The following CLPTM1 variants were observed in gnomAD, a reference collection of about 807,000 sequenced individuals.
The protein encoded by CLPTM1 is putative lipid scramblase CLPTM1.
A neutral mutation model predicts 77.3 loss-of-function variants in CLPTM1; 21 were observed. The observed-to-expected ratio is 0.27, with a 90% confidence interval of 0.19 to 0.39. The LOEUF (loss-of-function observed/expected upper bound fraction) is 0.39, where lower values mean the gene tolerates loss of function less well. Ranked by LOEUF, CLPTM1 falls within the 10% of genes least tolerant of loss-of-function variation. The probability of loss-of-function intolerance (pLI) is 1.00; values close to 1 mark genes in which losing one functional copy is unlikely to be tolerated. For missense variants in CLPTM1, 642 were observed against 921.2 expected, an observed-to-expected ratio of 0.70 and a Z score of 3.92; for synonymous variants, 373 against 381.0, an observed-to-expected ratio of 0.98 and a Z score of 0.24.
chr19:44,964,833 C>T (rs1358718819), intron 2 of CLPTM1, among the ~76,000 whole-genome samples: 1 of 152,200 alleles, frequency 6.6e-6, no homozygotes, highest in Admixed American at 6.5e-5. Context: ...TATGTGGAAT[C>T]AGACAGCATT....
chr19:44,981,851 C>T (rs112420400), intron 5 of CLPTM1, among the ~76,000 whole-genome samples: 1 of 151,988 alleles, frequency 6.6e-6, no homozygotes, highest in South Asian at 2.1e-4. Context: ...GTTGAGGCTG[C>T]AGTGATCACA....
At chr19:44,982,641 C>T (rs1005328723) in intron 5 of CLPTM1, among the ~76,000 whole-genome samples, 5 of 152,246 alleles carry the variant, frequency 3.3e-5, no homozygotes, top group Non-Finnish European at 1.5e-5. Flanking sequence ...TCTCCCTTCC[C>T]TGGACAGTCT....
chr19:44,957,372 G>A (rs1243725499), intron 1 of CLPTM1, among the ~76,000 whole-genome samples: 3 of 152,262 alleles, frequency 2.0e-5, no homozygotes, highest in Non-Finnish European at 4.4e-5. Context: ...GGAGGGCAGA[G>A]CCAGGACTGC....
intron 5 of CLPTM1, among the ~76,000 whole-genome samples, chr19:44,978,173 G>A (rs181940709): frequency 2.8e-4 from 42 of 152,120 alleles, no homozygotes; most frequent in African/African-American, 9.9e-4. Flanking sequence ...TTGGGAGGCC[G>A]AGGCGGGTGA....
chr19:44,979,852 C>T (rs1970866847), intron 5 of CLPTM1, among the ~76,000 whole-genome samples: 1 of 152,168 alleles, frequency 6.6e-6, no homozygotes, highest in Admixed American at 6.6e-5. Flanking sequence ...CGTCAGGGGT[C>T]TGGGCTAAAA....
upstream of CLPTM1, chr19:44,955,044 G>A (rs1010140851): frequency 2.3e-5 from 35 of 1,535,612 alleles, no homozygotes; most frequent in Non-Finnish European, 2.7e-5. Flanking sequence ...TCGGCAGGGA[G>A]AAGCGGACAG....
intron 5 of CLPTM1, among the ~76,000 whole-genome samples, chr19:44,980,849 T>A (rs1056635372): frequency 6.6e-5 from 10 of 151,810 alleles, no homozygotes; most frequent in Admixed American, 2.6e-4. Flanking sequence ...TATTATTATT[T>A]TTTTTTGAGA....
rs1323671774 is a variant in CLPTM1 at position 44,992,937 on chromosome 19, C to T, written c.*40C>T. On this transcript the variant is annotated 3_prime_UTR_variant, in exon 14 of 14. Transcript: ENST00000337392. The surrounding 1 kb of genome is among the most constrained non-coding windows in gnomAD (Gnocchi z 7.7). ...CACCTGCTCCGGCTCCTGGCGACCA[C>T]TACCCCTGCGTCCCGGCCCCCTCGC... 1 of 1,597,276 alleles carries T rather than the reference C, an allele frequency of 6.3e-7. No individual in the cohort carries two copies. The highest frequency in any genetic ancestry group is 8.5e-7 in the Non-Finnish European group (1 of 1,173,090).
intron 4 of CLPTM1, 134 bp from the exon 5 acceptor site, chr19:44,977,209 C>A: frequency 1.4e-6 from 1 of 710,470 alleles, no homozygotes; most frequent in South Asian, 1.6e-5. Context: ...GCTACATGCC[C>A]CACCCTGAGT....
chr19:44,988,158 C>T lies in CLPTM1; in HGVS notation c.1117C>T (p.Leu373=), dbSNP rs370248763. 68 of 1,613,608 alleles carry T rather than the reference C, an allele frequency of 4.2e-5. No homozygotes were observed. The highest frequency in any genetic ancestry group is 5.6e-5 in the Non-Finnish European group (66 of 1,179,610). ...TATCGTTCACAGTGTCTTCGAGTTC[C>T]TGGCCTTCAAGAATGGTAGGAACAG... The part of the protein sequence containing the change: ...VSIVHSVFEF[L]AFKNDIQFWN... The change falls in exon 9 of 14, where the codon CTG becomes TTG. Residue 373 remains leucine, a synonymous_variant. Coordinates refer to ENST00000337392, the MANE Select transcript of CLPTM1 (RefSeq NM_001294.4).
chr19:44,991,440 A>G lies in CLPTM1; in HGVS notation c.1555+67A>G. On this transcript the variant is annotated intron_variant, in intron 12 of 13. Coordinates refer to ENST00000337392, the MANE Select transcript of CLPTM1 (RefSeq NM_001294.4). This position sits in a 1 kb window ranked among gnomAD's most constrained non-coding sequence, Gnocchi z 5.4. ...TGCGCAGGGCTCACAGCCCCAGTGT[A>G]GGAGACAGACCCATCCCCAGACAGG... 3.2e-6 allele frequency: 5 copies of G among 1,574,382 alleles called. No homozygotes were observed. Among genetic ancestry groups the G allele is most frequent in the Non-Finnish European group, 4.3e-6 (5 of 1,159,678 alleles).
chr19:44,972,486 T>A (rs940348754), intron 2 of CLPTM1, among the ~76,000 whole-genome samples: 14 of 152,098 alleles, frequency 9.2e-5, no homozygotes, highest in Non-Finnish European at 1.6e-4. Flanking sequence ...CCTGACCTCG[T>A]GATCCGCCCG....
In CLPTM1 at chr19:44,992,334, A is replaced by G. The variant is rs1475790997; in HGVS notation, c.1657A>G (p.Ile553Val). 1.9e-6 allele frequency: 3 copies of G among 1,613,950 alleles called. No individual in the cohort carries two copies. The highest frequency in any genetic ancestry group is 1.7e-6 in the Non-Finnish European group (2 of 1,179,982). Residue 553 changes from isoleucine (I) to valine (V), a missense_variant, in exon 13 of 14, where the codon ATC becomes GTC. Transcript: ENST00000337392. This position sits in a 1 kb window ranked among gnomAD's most constrained non-coding sequence, Gnocchi z 7.7. ...MLTYKALNTF[I>V]DDLFAFVIKM... Reference sequence around the variant, plus strand: ...CACCTACAAGGCCCTCAACACATTCATCGACGACCTGTTCGCCTTTGTCAT... The same window carrying G: ...CACCTACAAGGCCCTCAACACATTCGTCGACGACCTGTTCGCCTTTGTCAT...
intron 6 of CLPTM1, 101 bp from the exon 7 acceptor site, chr19:44,986,354 T>G: frequency 6.9e-7 from 1 of 1,443,250 alleles, no homozygotes; most frequent in Admixed American, 2.2e-5. Flanking sequence ...AAAGCAAAGA[T>G]TAAGATTTTC....
At chr19:44,955,220 G>A (rs1394780092), upstream of CLPTM1, 11 of 1,521,318 alleles carry the variant, frequency 7.2e-6, no homozygotes, top group African/African-American at 2.7e-5. Context: ...CGAGTACGGT[G>A]GCCAGGTTGG....
At chr19:44,960,262 C>G (rs1568640341) in intron 1 of CLPTM1, among the ~76,000 whole-genome samples, 1 of 152,180 alleles carries the variant, frequency 6.6e-6, no homozygotes, top group Non-Finnish European at 1.5e-5. Context: ...CAAAGTGGAT[C>G]CCTGTTCCCA....
chr19:44,962,411 TC>T (rs1363176579), intron 2 of CLPTM1, among the ~76,000 whole-genome samples: 2 of 152,076 alleles, frequency 1.3e-5, no homozygotes, highest in Admixed American at 1.3e-4. Context: ...AATAGGAAAT[TC>T]ATTGTCTTAC....
Position 44,992,884 on chromosome 19 carries a change from AG to A in CLPTM1, c.1998del (p.Lys668ArgfsTer90). On this transcript the variant is annotated frameshift_variant, in exon 14 of 14. Coordinates refer to ENST00000337392, the MANE Select transcript of CLPTM1 (RefSeq NM_001294.4). LOFTEE classifies it high-confidence loss of function. The surrounding 1 kb of genome is among the most constrained non-coding windows in gnomAD (Gnocchi z 7.7). The part of the protein sequence containing the change: ...QEAPPKPAED[K>X]KKD ...GCCCCTCCAAAGCCAGCAGAGGACA[AG>A]AAAAAGGATTAGTCGAGACTGGTCC... 6.2e-7 allele frequency: 1 copy of A among 1,613,676 alleles called. No homozygotes were observed. Among genetic ancestry groups the A allele is most frequent in the Non-Finnish European group, 8.5e-7 (1 of 1,179,866 alleles).
chr19:44,987,958 C>T (rs1971008085), intron 8 of CLPTM1, 122 bp from the exon 9 acceptor site: 26 of 747,298 alleles, frequency 3.5e-5, no homozygotes, highest in South Asian at 2.6e-4. Context: ...GACCCAGTCT[C>T]CTCCTGGCTG....
Sources: gnomAD v4.1 joint callset for allele counts (sites outside exome capture counted in the v4.1 genomes callset) on GRCh38, gnomAD v4.1.1 for gene constraint, Gnocchi (gnomAD v3.1) non-coding constraint, MANE v1.5 for transcripts, NCBI Gene and HGNC (gene_info 2026-07-23, HGNC 2026-07-21) for gene names.